EP400: variants seen among roughly 807,000 people sequenced by gnomAD.
EP400 encodes E1A-binding protein p400.
EP400 carries 105 observed loss-of-function variants against 354.1 expected under a neutral mutation model. The observed-to-expected ratio is 0.30, with a 90% CI of 0.25 to 0.35. EP400 has a LOEUF of 0.35. Among genes scored for constraint, EP400 ranks in the 10% least tolerant of loss-of-function variants. EP400 has a pLI of 1.00. For missense variants in EP400, 3,280 were observed against 4,121.0 expected, an observed-to-expected ratio of 0.80 and a Z score of 5.59; for synonymous variants, 1,646 against 1,716.9, an observed-to-expected ratio of 0.96 and a Z score of 1.02.
Position 132,072,869 on chromosome 12 carries a change from A to G in EP400, c.9021+3228A>G, listed in dbSNP as rs555765521. On this transcript the variant is annotated intron_variant, in intron 51 of 52. Transcript: ENST00000389561. ...TAAGTTTAAAGTTTTGAATTTTGTT[A>G]TTTTGAAATGACTCTTACTGTCTTC... Among the ~76,000 whole-genome samples, 3 of 152,270 alleles carry G rather than the reference A, an allele frequency of 2.0e-5. No individual in the cohort carries two copies. The South Asian group carries it at 6.2e-4, about 32-fold the overall frequency.
At position 131,962,988 on chromosome 12, in the gene EP400, A is replaced by G. The variant is rs576012661; in HGVS notation, c.1335+1034A>G. 1.2e-4 allele frequency among the ~76,000 whole-genome samples: 18 copies of G among 152,338 alleles called. 1 individual carries two copies. Among genetic ancestry groups the G allele is most frequent in the African/African-American group, 4.1e-4 (17 of 41,578 alleles). ...TGTGTTTTCTTTTAACACCTTTTCC[A>G]GGATGGACCATATTTGTTTTTCAAC... On this transcript the variant is annotated intron_variant, in intron 2 of 52. Coordinates refer to ENST00000389561, the MANE Select transcript of EP400 (RefSeq NM_015409.5).
intron 2 of EP400, among the ~76,000 whole-genome samples, chr12:131,972,786 C>T (rs1056450401): frequency 7.6e-6 from 1 of 131,156 alleles, no homozygotes; most frequent in Non-Finnish European, 1.5e-5. Flanking sequence ...GGCTGGAGTG[C>T]AGTGGCGCGA....
intron 45 of EP400, among the ~76,000 whole-genome samples, chr12:132,056,425 G>GCGCA (rs1555222987): frequency 4.0e-5 from 6 of 148,518 alleles, no homozygotes; most frequent in South Asian, 2.1e-4. Context: ...CACAACACAC[G>GCGCA]CACACACACA....
In EP400 at chr12:132,030,089, G is replaced by A. The variant is rs1225504878; in HGVS notation, c.5685G>A (p.Glu1895=). The change falls in exon 29 of 53, where the codon GAG becomes GAA. Residue 1895 remains glutamate, a synonymous_variant. Coordinates refer to ENST00000389561, the MANE Select transcript of EP400 (RefSeq NM_015409.5). ...SQMILMLDIL[E]MFLNFHYLTY... Reference sequence around the variant, plus strand: ...TGATTCTTATGTTGGACATTTTAGAGATGTTCTTGAACTTCCATTACCTCA... The same window carrying A: ...TGATTCTTATGTTGGACATTTTAGAAATGTTCTTGAACTTCCATTACCTCA... The A allele has an allele frequency of 6.2e-7, 1 of 1,614,104 alleles. No individual in the cohort carries two copies. The highest frequency in any genetic ancestry group is 8.5e-7 in the Non-Finnish European group (1 of 1,180,046).
chr12:132,067,172 T>TAAG lies in EP400; in HGVS notation c.8750-190_8750-189insAAG. The TAAG allele has an allele frequency of 8.6e-7, 1 of 1,164,430 alleles. No homozygotes were observed. The highest frequency in any genetic ancestry group is 1.2e-6 in the Non-Finnish European group (1 of 837,532). The allele number at this position is 1,164,430 out of a possible 1,614,324, so 72.1% of individuals were successfully genotyped here. On this transcript the variant is annotated intron_variant, in intron 49 of 52. Transcript: ENST00000389561. This position sits in a 1 kb window ranked among gnomAD's most constrained non-coding sequence, Gnocchi z 5.3. ...AATTGAACTGTTAACATTCTGAAAT[T>TAAG]TCCGTCTTAATTTAAGTGTAATTTG...
Position 132,031,936 on chromosome 12 carries a change from G to A in EP400, c.5755-17G>A. The stretch of plus-strand genomic sequence containing the variant: ...ATTTTCCAAGAATACTAACTCCTGT[G>A]TTTTGTTTCATCTTAGGAACTGATG... On this transcript the variant is annotated splice_polypyrimidine_tract_variant and intron_variant, in intron 29 of 52. Coordinates refer to ENST00000389561, the MANE Select transcript of EP400 (RefSeq NM_015409.5). 6.3e-7 allele frequency: 1 copy of A among 1,591,616 alleles called. No homozygotes were observed. Among genetic ancestry groups the A allele is most frequent in the Admixed American group, 1.7e-5 (1 of 57,498 alleles).
intron 19 of EP400, among the ~76,000 whole-genome samples, chr12:132,014,757 G>A (rs1030397304): frequency 6.6e-6 from 1 of 152,204 alleles, no homozygotes; most frequent in African/African-American, 2.4e-5. Context: ...CCCCAGCCAC[G>A]TGCTGATGTG....
Position 131,960,707 on chromosome 12 carries a change from G to GGGGGCCCCCCCCCCCCC in EP400, c.88_89insGGGGCCCCCCCCCCCCC (p.Ala30GlyfsTer38). On this transcript the variant is annotated frameshift_variant, in exon 2 of 53. Coordinates refer to ENST00000389561, the MANE Select transcript of EP400 (RefSeq NM_015409.5). LOFTEE classifies it high-confidence loss of function. Reference sequence around the variant, plus strand: ...TGGCAGCGAGGGTGAGGAGCAGCCGGCCCACCCCAACCCACCCCCGTCCCC... The same window carrying GGGGGCCCCCCCCCCCCC: ...TGGCAGCGAGGGTGAGGAGCAGCCGGGGGGCCCCCCCCCCCCCCCCACCCCAACCCACCCCCGTCCCC... 6.5e-7 allele frequency: 1 copy of GGGGGCCCCCCCCCCCCC among 1,545,588 alleles called. No individual in the cohort carries two copies. Among genetic ancestry groups the GGGGGCCCCCCCCCCCCC allele is most frequent in the Non-Finnish European group, 8.7e-7 (1 of 1,146,244 alleles).
At chr12:132,076,454 A>T (rs1311094920) in intron 51 of EP400, 62 bp from the exon 52 acceptor site, 1 of 1,545,254 alleles carries the variant, frequency 6.5e-7, no homozygotes, top group Non-Finnish European at 8.9e-7. Context: ...AGGGAGGAAA[A>T]ATCTCTTTTT....
At chr12:131,955,290 C>CTT (rs140611646) in intron 1 of EP400, among the ~76,000 whole-genome samples, 2 of 151,322 alleles carry the variant, frequency 1.3e-5, no homozygotes, top group African/African-American at 2.4e-5. Context: ...AAAGTTTATG[C>CTT]TTTTTTTTTG....
chr12:132,003,019 T>C (rs1893468930), intron 12 of EP400, among the ~76,000 whole-genome samples: 1 of 151,934 alleles, frequency 6.6e-6, no homozygotes, highest in South Asian at 2.1e-4. Context: ...ATAGAAAATA[T>C]TTACCAAAAA....
Position 131,996,295 on chromosome 12 carries a change from C to CTTTTT in EP400, c.2827+1351_2827+1355dup, listed in dbSNP as rs575217796. ...AAGCTCCACATCTCAGGAAGGAACT[C>CTTTTT]TTTTTTTTTTTTTTTTGAGATGGAG... On this transcript the variant is annotated intron_variant, in intron 12 of 52. Transcript: ENST00000389561. Among the ~76,000 whole-genome samples, 307 of 128,222 alleles carry CTTTTT rather than the reference C, an allele frequency of 2.4e-3. 14 individuals are homozygous for CTTTTT. Among genetic ancestry groups the CTTTTT allele is most frequent in the African/African-American group, 9.4e-3 (295 of 31,306 alleles). 84.1% of individuals were successfully genotyped at this position (128,222 alleles called of 152,430 possible).
chr12:132,063,530 TACCATA>T (rs879786700), intron 47 of EP400, among the ~76,000 whole-genome samples: 618 of 152,352 alleles, frequency 4.1e-3, no homozygotes, highest in Non-Finnish European at 7.2e-3. Flanking sequence ...TGTTATGTCC[TACCATA>T]AATGAAAAAT....
In EP400 at chr12:132,038,217, C is replaced by T. The variant is rs531996788; in HGVS notation, c.6207+121C>T. Reference sequence around the variant, plus strand: ...CTTCCCTGGCCTGAAGCCCTCTTCCCGTCCCTGCTTTTGGAACCTCCCCAC... The same window carrying T: ...CTTCCCTGGCCTGAAGCCCTCTTCCTGTCCCTGCTTTTGGAACCTCCCCAC... On this transcript the variant is annotated intron_variant, in intron 32 of 52. Transcript: ENST00000389561. This position sits in a 1 kb window ranked among gnomAD's most constrained non-coding sequence, Gnocchi z 4.2. 167 of 1,305,840 alleles carry T rather than the reference C, an allele frequency of 1.3e-4. No homozygotes were observed. In the East Asian group the frequency reaches 3.4e-3, roughly 26 times the overall value. The allele number at this position is 1,305,840 out of a possible 1,614,324, so 80.9% of individuals were successfully genotyped here.
chr12:132,043,192 G>C lies in EP400; in HGVS notation c.6208-112G>C, dbSNP rs578151138. 8 of 1,148,542 alleles carry C rather than the reference G, an allele frequency of 7.0e-6. No homozygotes were observed. In the African/African-American group the frequency reaches 1.1e-4, roughly 16 times the overall value. 71.1% of individuals were successfully genotyped at this position (1,148,542 alleles called of 1,614,324 possible). On this transcript the variant is annotated intron_variant, in intron 32 of 52. Coordinates refer to ENST00000389561, the MANE Select transcript of EP400 (RefSeq NM_015409.5). ...AAGGAGTGGATTACCTTTATGGAGAGTGGGTGATTATAGTGGAGGCATCTC... is the reference window on the plus strand; with the variant it reads ...AAGGAGTGGATTACCTTTATGGAGACTGGGTGATTATAGTGGAGGCATCTC...
chr12:132,066,615 GGCGT>G, intron 48 of EP400, 155 bp from the exon 49 acceptor site: 1 of 733,558 alleles, frequency 1.4e-6, no homozygotes, highest in East Asian at 3.1e-5. Context: ...ATTTCCCTGC[GGCGT>G]GCAGATCTCT....
rs1403267096 is a variant in EP400, at chr12:132,018,345, C to T, written c.4246C>T (p.Arg1416Ter). 1.2e-6 allele frequency: 2 copies of T among 1,609,284 alleles called. No homozygotes were observed. The highest frequency in any genetic ancestry group is 1.3e-5 in the African/African-American group (1 of 74,332). ...CTCCACTTCAGCAGCCCCAGCAGCC[C>T]GACCAGCAGCAGCAAAGCTGAAGGC... ...EISTSAAPAA[R>*]PAAAKLKASR... The change falls in exon 21 of 53, where the codon CGA becomes TGA. Residue 1416 changes from arginine to a stop codon, truncating the protein, a stop_gained. Transcript: ENST00000389561. LOFTEE classifies it high-confidence loss of function. The surrounding 1 kb of genome is among the most constrained non-coding windows in gnomAD (Gnocchi z 4.0).
chr12:131,992,141 C>T, intron 10 of EP400, 32 bp from the exon 11 acceptor site: 1 of 1,599,714 alleles, frequency 6.3e-7, no homozygotes, highest in Non-Finnish European at 8.5e-7. Context: ...GTTTGGATCT[C>T]ATGCTTGTGG....
At position 132,017,959 on chromosome 12, in the gene EP400, A is replaced by G. The variant is rs1893999744; in HGVS notation, c.4110+238A>G. 6.6e-6 allele frequency among the ~76,000 whole-genome samples: 1 copy of G among 152,236 alleles called. No homozygotes were observed. The highest frequency in any genetic ancestry group is 1.5e-5 in the Non-Finnish European group (1 of 68,038). On this transcript the variant is annotated intron_variant, in intron 20 of 52. Transcript: ENST00000389561. This position sits in a 1 kb window ranked among gnomAD's most constrained non-coding sequence, Gnocchi z 5.0. ...CACAGAGTGGAAAGATGCAGAGGGC[A>G]GGCTTTCTTGGCGTTGTGTGGATTG...
Sources: gnomAD v4.1 joint callset for allele counts (sites outside exome capture counted in the v4.1 genomes callset) on GRCh38, gnomAD v4.1.1 for gene constraint, Gnocchi (gnomAD v3.1) non-coding constraint, MANE v1.5 for transcripts, NCBI Gene and HGNC (gene_info 2026-07-23, HGNC 2026-07-21) for gene names.